TFCP2: variants seen among roughly 807,000 people sequenced by gnomAD.
TFCP2 encodes transcription factor CP2.
Under a neutral mutation model 73.4 loss-of-function variants are expected in TFCP2, and 33 were observed. The observed-to-expected ratio is 0.45, with a 90% CI of 0.34 to 0.60. TFCP2 has a LOEUF of 0.60. TFCP2 is among the 20% of genes least tolerant of loss of function. TFCP2 has a pLI of 0.01. For synonymous variants in TFCP2, 193 were observed against 211.6 expected (o/e 0.91, Z 0.76); for missense variants, 352 against 604.0 (o/e 0.58, Z 4.37).
chr12:51,129,613 C>T lies in TFCP2; in HGVS notation c.123-10841G>A, dbSNP rs553430158. On this transcript the variant is annotated intron_variant, in intron 1 of 14. Transcript: ENST00000257915. ...TAGAGTAACTAAAGGGAAAGAGGAT[C>T]GCTGAAGCAAAGAAGTCTTTTTAGT... Among the ~76,000 whole-genome samples the T allele has an allele frequency of 1.5e-3, 224 of 151,458 alleles. 6 individuals carry two copies. Among genetic ancestry groups the T allele is most frequent in the East Asian group, 5.8e-4 (3 of 5,158 alleles).
intron 5 of TFCP2, 118 bp downstream of exon 5, chr12:51,110,759 G>A (rs1592795468): frequency 1.4e-6 from 1 of 725,790 alleles, no homozygotes; most frequent in East Asian, 2.6e-5. Context: ...GCCTGGGCTT[G>A]ACAGTCAGGC....
At chr12:51,158,410 C>G (rs759862209) in intron 1 of TFCP2, among the ~76,000 whole-genome samples, 1 of 152,168 alleles carries the variant, frequency 6.6e-6, no homozygotes. Context: ...CCACCCACCC[C>G]TGGGCATACA....
At chr12:51,138,814 T>G (rs1290040119) in intron 1 of TFCP2, among the ~76,000 whole-genome samples, 3 of 151,990 alleles carry the variant, frequency 2.0e-5, no homozygotes, top group Non-Finnish European at 4.4e-5. Flanking sequence ...AACTTTCTAT[T>G]TTCACTAGAG....
chr12:51,108,384 A>G (rs1408063749), intron 6 of TFCP2, among the ~76,000 whole-genome samples: 1 of 152,138 alleles, frequency 6.6e-6, no homozygotes, highest in Non-Finnish European at 1.5e-5. Flanking sequence ...GGGTCAGTGT[A>G]AGAGTAGTAA....
chr12:51,130,358 G>T (rs1940912827), intron 1 of TFCP2, among the ~76,000 whole-genome samples: 1 of 152,030 alleles, frequency 6.6e-6, no homozygotes, highest in South Asian at 2.1e-4. Flanking sequence ...TGTGATCTCA[G>T]CTACTCAGGA....
In TFCP2 at chr12:51,103,754, G is replaced by A. The variant is rs1940165044; in HGVS notation, c.976C>T (p.Pro326Ser). The change falls in exon 10 of 15, where the codon CCA (proline) becomes TCA (serine). Residue 326 changes from proline to serine, a missense_variant. Around this residue, in one of 6 missense-constraint regions of TFCP2, gnomAD observed 194 missense variants for 256.3 expected, o/e 0.76. Coordinates refer to ENST00000257915, the MANE Select transcript of TFCP2 (RefSeq NM_005653.5). ...PPPPVTDNLL[P>S]TTTPQEAQQW... is the part of the protein sequence containing the mutation. ...TGAGCTTCCTGAGGTGTGGTTGTTG[G>A]TAAGAGGTTCTGAAAGGGAGAGCAC... 4.3e-6 allele frequency: 7 copies of A among 1,612,882 alleles called. No individual in the cohort carries two copies. The African/African-American group carries it at 5.3e-5, about 12-fold the overall frequency.
chr12:51,135,916 C>T (rs1941050594), intron 1 of TFCP2, among the ~76,000 whole-genome samples: 1 of 152,038 alleles, frequency 6.6e-6, no homozygotes, highest in Admixed American at 6.6e-5. Flanking sequence ...CCCTTCAAAC[C>T]TTTTTTTCTT....
At chr12:51,107,587 A>C (rs1940280385) in intron 6 of TFCP2, among the ~76,000 whole-genome samples, 1 of 152,174 alleles carries the variant, frequency 6.6e-6, no homozygotes, top group South Asian at 2.1e-4. Context: ...GTTCACTGAA[A>C]AAAATCAAGT....
intron 1 of TFCP2, among the ~76,000 whole-genome samples, chr12:51,119,445 A>C (rs1317579963): frequency 6.6e-6 from 1 of 152,222 alleles, no homozygotes; most frequent in Non-Finnish European, 1.5e-5. Context: ...AAGGTTTGGC[A>C]GTTTTTTATA....
At chr12:51,105,142 G>A (rs1940199666) in intron 8 of TFCP2, among the ~76,000 whole-genome samples, 1 of 147,192 alleles carries the variant, frequency 6.8e-6, no homozygotes, top group South Asian at 2.3e-4. Flanking sequence ...TGCCCAGGCT[G>A]GAGCGCAGTG....
chr12:51,111,583 C>A (rs1162490787), intron 4 of TFCP2, among the ~76,000 whole-genome samples: 1 of 151,976 alleles, frequency 6.6e-6, no homozygotes, highest in Non-Finnish European at 1.5e-5. Context: ...TGGCCAGGCA[C>A]GGTGGCTCAC....
chr12:51,142,203 CAAAAAAAAAAAA>C (rs3053458), intron 1 of TFCP2, among the ~76,000 whole-genome samples: 20 of 52,744 alleles, frequency 3.8e-4, no homozygotes, highest in African/African-American at 1.6e-3. Context: ...GACTCTGTCG[CAAAAAAAAAAAA>C]AAAAAAAAAA....
intron 8 of TFCP2, among the ~76,000 whole-genome samples, chr12:51,105,988 T>C (rs910594142): frequency 1.3e-5 from 2 of 152,196 alleles, no homozygotes; most frequent in Non-Finnish European, 2.9e-5. Context: ...TAAAAGATAA[T>C]AAGGCAAGAT....
At chr12:51,109,349 T>C (rs926270590) in intron 5 of TFCP2, 76 bp from the exon 6 acceptor site, 11 of 1,515,756 alleles carry the variant, frequency 7.3e-6, no homozygotes, top group Non-Finnish European at 1.0e-5. Flanking sequence ...TTAGCAACTA[T>C]TAACAGCAAA....
chr12:51,155,090 T>C (rs1196432195), intron 1 of TFCP2, among the ~76,000 whole-genome samples: 1 of 152,110 alleles, frequency 6.6e-6, no homozygotes, highest in Non-Finnish European at 1.5e-5. Context: ...ATTCATTTTT[T>C]CTCCTGGGGC....
chr12:51,116,906 C>T (rs1940541578), intron 3 of TFCP2, among the ~76,000 whole-genome samples: 1 of 152,152 alleles, frequency 6.6e-6, no homozygotes, highest in African/African-American at 2.4e-5. Flanking sequence ...CGTGAGCCAC[C>T]GGGTCCAGCC....
intron 1 of TFCP2, among the ~76,000 whole-genome samples, chr12:51,127,597 CTAAT>C (rs1940843383): frequency 6.6e-6 from 1 of 152,182 alleles, no homozygotes; most frequent in South Asian, 2.1e-4. Context: ...AGGCGTATTA[CTAAT>C]TAATATAAAG....
chr12:51,105,639 T>C (rs1160707572), intron 8 of TFCP2, among the ~76,000 whole-genome samples: 1 of 152,218 alleles, frequency 6.6e-6, no homozygotes, highest in African/African-American at 2.4e-5. Flanking sequence ...AGCTGCAAAA[T>C]TCAAATTTGG....
chr12:51,140,408 T>C (rs912230300), intron 1 of TFCP2, among the ~76,000 whole-genome samples: 3 of 151,340 alleles, frequency 2.0e-5, no homozygotes, highest in Non-Finnish European at 4.4e-5. Context: ...TCTTCCTTTT[T>C]TCTTCCTTCC....
Sources: allele counts gnomAD v4.1 joint callset (sites outside exome capture counted in the v4.1 genomes callset), GRCh38; gene constraint gnomAD v4.1.1; regional missense constraint gnomAD v4.1.1; transcripts MANE v1.5; gene names NCBI Gene and HGNC (gene_info 2026-07-23, HGNC 2026-07-21).